The following ARHGEF28 variants were observed in gnomAD, a reference collection of about 807,000 sequenced individuals.
ARHGEF28 encodes the protein Rho guanine nucleotide exchange factor 28, also known as 190 kDa guanine nucleotide exchange factor.
A neutral mutation model predicts 206.6 loss-of-function variants in ARHGEF28; 152 were observed. The observed-to-expected ratio is 0.74, with a 90% CI of 0.64 to 0.84. The LOEUF is 0.84. ARHGEF28 is among the 40% of genes least tolerant of loss of function. The pLI is 0.00. For missense variants in ARHGEF28, 2,028 were observed against 2,073.2 expected, an observed-to-expected ratio of 0.98 and a Z score of 0.42; for synonymous variants, 763 against 776.4, an observed-to-expected ratio of 0.98 and a Z score of 0.29.
In ARHGEF28 at chr5:73,865,961, C is replaced by T. The variant is rs751869502; in HGVS notation, c.2104-4C>T. 17 of 1,586,018 alleles carry T rather than the reference C, an allele frequency of 1.1e-5. No individual in the cohort carries two copies. In the East Asian group the frequency reaches 2.5e-4, roughly 23 times the overall value. On this transcript the variant is annotated splice_region_variant and splice_polypyrimidine_tract_variant and intron_variant, in intron 17 of 35. Coordinates refer to ENST00000513042, the MANE Select transcript of ARHGEF28 (RefSeq NM_001177693.2). ...CTTTATGTGTTTCTAATATTCTTTA[C>T]CAGAAATTCCAAGAGAAATATAACA... is the stretch of plus-strand genomic sequence containing the variant.
intron 35 of ARHGEF28, among the ~76,000 whole-genome samples, chr5:73,926,757 T>C (rs1406197234): frequency 6.6e-6 from 1 of 152,238 alleles, no homozygotes; most frequent in African/African-American, 2.4e-5. Flanking sequence ...TTTGAGATGG[T>C]GTCCACCTGT....
Position 73,720,140 on chromosome 5 carries a change from G to A in ARHGEF28, c.34-29697G>A, listed in dbSNP as rs539088234. The stretch of plus-strand genomic sequence containing the variant: ...TTGAGTATGGCAATTTTCCTAAGGA[G>A]TATTAGTTATAAATATTTAAAACAA... On this transcript the variant is annotated intron_variant, in intron 2 of 35. Transcript: ENST00000513042. Among the ~76,000 whole-genome samples the A allele has an allele frequency of 1.4e-3, 211 of 152,336 alleles. 1 individual carries two copies. Among genetic ancestry groups the A allele is most frequent in the South Asian group, 9.3e-3 (45 of 4,828 alleles).
intron 7 of ARHGEF28, among the ~76,000 whole-genome samples, chr5:73,790,783 G>T (rs1344112632): frequency 6.6e-6 from 1 of 152,042 alleles, no homozygotes; most frequent in African/African-American, 2.4e-5. Context: ...AAGTGCCTTT[G>T]CCATTTTAAT....
chr5:73,782,968 T>C (rs1408091079), intron 7 of ARHGEF28, among the ~76,000 whole-genome samples: 3 of 152,210 alleles, frequency 2.0e-5, no homozygotes, highest in African/African-American at 7.2e-5. Context: ...TTTTTTAAAA[T>C]CAACTTCTGA....
rs1013571352 is a variant in ARHGEF28, at chr5:73,912,967, C to G, written c.4948+1392C>G. Among the ~76,000 whole-genome samples, 158 of 152,164 alleles carry G rather than the reference C, an allele frequency of 1.0e-3. 1 individual carries two copies. The highest frequency in any genetic ancestry group is 3.6e-3 in the African/African-American group (148 of 41,446). The stretch of plus-strand genomic sequence containing the variant: ...ACATTCAGCTTTTGTTTAAAAGAAG[C>G]ATGTCTCTTACTTTTTGTGTATCTC... On this transcript the variant is annotated intron_variant, in intron 35 of 35. Coordinates refer to ENST00000513042, the MANE Select transcript of ARHGEF28 (RefSeq NM_001177693.2).
chr5:73,766,994 G>A (rs1752933220), intron 4 of ARHGEF28, among the ~76,000 whole-genome samples: 1 of 152,034 alleles, frequency 6.6e-6, no homozygotes, highest in African/African-American at 2.4e-5. Flanking sequence ...TATCGGGGTG[G>A]GTCTTTCCTG....
intron 1 of ARHGEF28, among the ~76,000 whole-genome samples, chr5:73,674,274 C>G (rs1746520493): frequency 6.6e-6 from 1 of 152,182 alleles, no homozygotes; most frequent in Non-Finnish European, 1.5e-5. Context: ...TGTCTTTTAG[C>G]CAAGCAAATC....
chr5:73,773,873 C>A lies in ARHGEF28; in HGVS notation c.494C>A (p.Ser165Tyr). The A allele has an allele frequency of 6.2e-7, 1 of 1,603,480 alleles. No homozygotes were observed. The highest frequency in any genetic ancestry group is 8.5e-7 in the Non-Finnish European group (1 of 1,175,306). ...SSLEVSSHRE[S>Y]LLHLAMRWGL... ...TCTTCAGTATCTTCTCACAGAGAAT[C>A]TCTTCTACACCTGGCTATGAGATGG... is the stretch of plus-strand genomic sequence containing the variant. Residue 165 changes from serine to tyrosine, a missense_variant, in exon 5 of 36, where the codon TCT becomes TAT. This residue lies in a region of ARHGEF28 where 1,002 missense variants were observed against 1,015.3 expected (regional missense o/e 0.99). Transcript: ENST00000513042.
intron 2 of ARHGEF28, among the ~76,000 whole-genome samples, chr5:73,694,136 T>G (rs1748029340): frequency 6.6e-6 from 1 of 152,220 alleles, no homozygotes; most frequent in Non-Finnish European, 1.5e-5. Context: ...CCATTTCACA[T>G]TTTGAAAGAA....
chr5:73,637,198 A>G (rs895338911), intron 1 of ARHGEF28, among the ~76,000 whole-genome samples: 1 of 152,192 alleles, frequency 6.6e-6, no homozygotes, highest in African/African-American at 2.4e-5. Context: ...GGTGGAGAAT[A>G]TGCTCTGAAA....
chr5:73,758,505 G>A (rs1752430079), intron 4 of ARHGEF28, among the ~76,000 whole-genome samples: 2 of 152,140 alleles, frequency 1.3e-5, no homozygotes, highest in African/African-American at 4.8e-5. Flanking sequence ...TGGAACAGGT[G>A]CATTCTTTGT....
At chr5:73,673,024 A>G (rs552333986) in intron 1 of ARHGEF28, among the ~76,000 whole-genome samples, 22 of 152,182 alleles carry the variant, frequency 1.4e-4, no homozygotes, top group African/African-American at 5.3e-4. Context: ...ACATCTCCCC[A>G]CTGAGTTTAC....
intron 26 of ARHGEF28, among the ~76,000 whole-genome samples, chr5:73,888,001 T>C (rs1203119898): frequency 6.6e-6 from 1 of 152,196 alleles, no homozygotes; most frequent in Non-Finnish European, 1.5e-5. Flanking sequence ...CCACGCCATC[T>C]AGCTATCTTG....
At chr5:73,838,219 C>A (rs1757779011) in intron 10 of ARHGEF28, among the ~76,000 whole-genome samples, 1 of 151,840 alleles carries the variant, frequency 6.6e-6, no homozygotes, top group Non-Finnish European at 1.5e-5. Flanking sequence ...AAAACTAAAT[C>A]TGCAACAAAA....
chr5:73,690,086 G>A (rs1747720871), intron 2 of ARHGEF28, among the ~76,000 whole-genome samples: 1 of 141,564 alleles, frequency 7.1e-6, no homozygotes, highest in Non-Finnish European at 1.5e-5. Context: ...ATTTCACGTT[G>A]CCGTGAGAAA....
At chr5:73,746,790 C>T (rs971839797) in intron 2 of ARHGEF28, among the ~76,000 whole-genome samples, 3 of 152,178 alleles carry the variant, frequency 2.0e-5, no homozygotes, top group Non-Finnish European at 2.9e-5. Flanking sequence ...GTGTCTGCCT[C>T]GGACTTTGAA....
At chr5:73,730,321 G>A (rs1750532662) in intron 2 of ARHGEF28, among the ~76,000 whole-genome samples, 1 of 152,142 alleles carries the variant, frequency 6.6e-6, no homozygotes, top group African/African-American at 2.4e-5. Context: ...CTGTTAAGAG[G>A]TGCTCGCAAG....
chr5:73,640,555 C>T (rs1744014069), intron 1 of ARHGEF28, among the ~76,000 whole-genome samples: 1 of 152,188 alleles, frequency 6.6e-6, no homozygotes, highest in African/African-American at 2.4e-5. Context: ...AAATTATTAT[C>T]TCTACAAGCC....
chr5:73,876,665 T>G (rs1236551403), intron 22 of ARHGEF28, among the ~76,000 whole-genome samples: 1 of 150,896 alleles, frequency 6.6e-6, no homozygotes, highest in East Asian at 2.0e-4. Context: ...CTTTTCTGCA[T>G]CTATTGAGAT....
Sources: gnomAD v4.1 joint callset for allele counts (sites outside exome capture counted in the v4.1 genomes callset) on GRCh38, gnomAD v4.1.1 for gene constraint, gnomAD v4.1.1 regional missense constraint, MANE v1.5 for transcripts, NCBI Gene and HGNC (gene_info 2026-07-23, HGNC 2026-07-21) for gene names.